The following LEPROTL1 variants were observed in gnomAD, a reference collection of about 807,000 sequenced individuals.
The protein encoded by LEPROTL1 is leptin receptor overlapping transcript like 1.
Under a neutral mutation model 15.4 loss-of-function variants are expected in LEPROTL1, and 6 were observed. The observed-to-expected ratio is 0.39, with a 90% confidence interval of 0.21 to 0.77. LEPROTL1 has a LOEUF of 0.77. Ranked by LOEUF, LEPROTL1 falls within the 30% of genes least tolerant of loss-of-function variation. The pLI, the probability that LEPROTL1 is intolerant of heterozygous loss-of-function variation, is 0.41. For synonymous variants in LEPROTL1, 56 were observed against 52.6 expected, an observed-to-expected ratio of 1.06 and a Z score of -0.28; for missense variants, 128 against 158.1, an observed-to-expected ratio of 0.81 and a Z score of 1.02.
intron 3 of LEPROTL1, among the ~76,000 whole-genome samples, chr8:30,129,746 CACACACACACAA>C (rs1435330891): frequency 4.0e-5 from 6 of 150,764 alleles, no homozygotes; most frequent in African/African-American, 7.3e-5. Flanking sequence ...CACACACACA[CACACACACACAA>C]AGAACTACCT....
chr8:30,102,043 G>GT (rs1014366447), intron 2 of LEPROTL1, 70 bp downstream of exon 2: 32 of 927,562 alleles, frequency 3.4e-5, no homozygotes, highest in African/African-American at 1.2e-4. Flanking sequence ...TTAAAAAAAT[G>GT]TTTTTTTACT....
intron 3 of LEPROTL1, among the ~76,000 whole-genome samples, chr8:30,121,102 T>G (rs1248279768): frequency 6.6e-6 from 1 of 152,230 alleles, no homozygotes; most frequent in Non-Finnish European, 1.5e-5. Flanking sequence ...AGCTGTATAT[T>G]GTTTACTGAT....
At position 30,115,242 on chromosome 8, in the gene LEPROTL1, A is replaced by G. The variant is rs554199714; in HGVS notation, c.279+10756A>G. Among the ~76,000 whole-genome samples, 233 of 152,130 alleles carry G rather than the reference A, an allele frequency of 1.5e-3. 2 individuals are homozygous for G. The highest frequency in any genetic ancestry group is 5.4e-3 in the African/African-American group (226 of 41,524). ...CCGGATGTGGTGCCGCTGTGGTCCC[A>G]TCTACTCCAGAGGCTGAGGTGGGAG... On this transcript the variant is annotated intron_variant, in intron 3 of 4. Transcript: ENST00000442880.
downstream of LEPROTL1, among the ~76,000 whole-genome samples, chr8:30,112,639 G>A (rs1802672586): frequency 6.6e-6 from 1 of 151,696 alleles, no homozygotes; most frequent in Non-Finnish European, 1.5e-5. Flanking sequence ...CCAGGTTCTG[G>A]AGGCAGACCA....
In LEPROTL1 at chr8:30,124,539, A is replaced by G. The variant is rs112336323; in HGVS notation, c.280-7836A>G. 5.2e-3 allele frequency among the ~76,000 whole-genome samples: 786 copies of G among 152,294 alleles called. 10 individuals carry two copies. Among genetic ancestry groups the G allele is most frequent in the African/African-American group, 0.018 (751 of 41,560 alleles). The stretch of plus-strand genomic sequence containing the variant: ...CTTCCTTATTCTTAAGAAAAACCAC[A>G]GTATGATTATTACACCTGAAAAAGT... On this transcript the variant is annotated intron_variant, in intron 3 of 4. Transcript: ENST00000442880.
intron 3 of LEPROTL1, among the ~76,000 whole-genome samples, chr8:30,126,292 T>C (rs1802905069): frequency 6.6e-6 from 1 of 152,170 alleles, no homozygotes; most frequent in African/African-American, 2.4e-5. Flanking sequence ...ATGATGTTCA[T>C]ACAATGACAA....
chr8:30,095,790 C>A (rs1407376757), intron 1 of LEPROTL1: 1 of 700,998 alleles, frequency 1.4e-6, no homozygotes, highest in South Asian at 1.5e-5. Context: ...CACCCATCGC[C>A]CCCCGGACAA....
chr8:30,121,146 T>C (rs965191832), intron 3 of LEPROTL1, among the ~76,000 whole-genome samples: 2 of 152,232 alleles, frequency 1.3e-5, no homozygotes, highest in African/African-American at 2.4e-5. Flanking sequence ...GCCTTGAAAC[T>C]ACATTTACTC....
chr8:30,117,110 C>G (rs1265678987), intron 3 of LEPROTL1, among the ~76,000 whole-genome samples: 1 of 152,086 alleles, frequency 6.6e-6, no homozygotes, highest in African/African-American at 2.4e-5. Flanking sequence ...GTTTGACCTA[C>G]TAACTCCTTG....
At chr8:30,102,889 G>A (rs1167875758) in intron 2 of LEPROTL1, among the ~76,000 whole-genome samples, 1 of 152,094 alleles carries the variant, frequency 6.6e-6, no homozygotes, top group African/African-American at 2.4e-5. Context: ...GCTGTGGGGG[G>A]AGTACACATA....
chr8:30,101,306 C>T (rs535538227), intron 1 of LEPROTL1, among the ~76,000 whole-genome samples: 33 of 152,248 alleles, frequency 2.2e-4, no homozygotes, highest in Non-Finnish European at 4.4e-4. Flanking sequence ...TGGACTTTGA[C>T]TCTTTAGAAA....
intron 3 of LEPROTL1, among the ~76,000 whole-genome samples, chr8:30,129,569 G>A (rs1453552018): frequency 1.3e-5 from 2 of 152,066 alleles, no homozygotes; most frequent in Non-Finnish European, 2.9e-5. Context: ...GCTGGGTGTG[G>A]TGGCATGTGC....
downstream of LEPROTL1, among the ~76,000 whole-genome samples, chr8:30,108,881 C>T (rs973849588): frequency 7.9e-5 from 12 of 152,170 alleles, no homozygotes; most frequent in Non-Finnish European, 1.5e-4. Flanking sequence ...CCCTGCCGCT[C>T]AGCCTTCTGA....
At chr8:30,123,390 G>A (rs866221320) in intron 3 of LEPROTL1, among the ~76,000 whole-genome samples, 3 of 152,164 alleles carry the variant, frequency 2.0e-5, no homozygotes, top group Middle Eastern at 3.2e-3. Flanking sequence ...ATATTATGGT[G>A]TCCATCTTTG....
chr8:30,128,865 G>A (rs1466306892), intron 3 of LEPROTL1, among the ~76,000 whole-genome samples: 1 of 149,658 alleles, frequency 6.7e-6, no homozygotes, highest in East Asian at 1.9e-4. Flanking sequence ...CAGCTCCCCA[G>A]AAGTGCCCCT....
At chr8:30,134,500 A>G (rs1218670514) in intron 4 of LEPROTL1, among the ~76,000 whole-genome samples, 8 of 152,144 alleles carry the variant, frequency 5.3e-5, no homozygotes, top group Non-Finnish European at 1.0e-4. Flanking sequence ...GATGGCACAC[A>G]TATTCCCACT....
intron 3 of LEPROTL1, among the ~76,000 whole-genome samples, chr8:30,113,725 T>G (rs1214641464): frequency 6.6e-6 from 1 of 152,112 alleles, no homozygotes; most frequent in East Asian, 1.9e-4. Flanking sequence ...AGCACATCGT[T>G]TTCATCCGTA....
chr8:30,118,134 C>G (rs1802773266), intron 3 of LEPROTL1, among the ~76,000 whole-genome samples: 1 of 149,054 alleles, frequency 6.7e-6, no homozygotes, highest in African/African-American at 2.5e-5. Context: ...AAGGGATTCT[C>G]CTGCCTCACA....
downstream of LEPROTL1, chr8:30,137,712 C>G: frequency 1.7e-6 from 1 of 575,202 alleles, no homozygotes; most frequent in South Asian, 2.1e-5. Flanking sequence ...TTGGGAGGAA[C>G]TTAGTTAATA....
Sources: gnomAD v4.1 joint callset for allele counts (sites outside exome capture counted in the v4.1 genomes callset) on GRCh38, gnomAD v4.1.1 for gene constraint, MANE v1.5 for transcripts, NCBI Gene and HGNC (gene_info 2026-07-23, HGNC 2026-07-21) for gene names.